Variants in FXR2 observed in about 807,000 individuals in gnomAD.
The protein encoded by FXR2 is RNA-binding protein FXR2.
Under a neutral mutation model 87.3 loss-of-function variants are expected in FXR2, and 9 were observed. The ratio of observed to expected loss-of-function variants is 0.10; its 90% CI spans 0.06 to 0.18. FXR2 has a LOEUF of 0.18. Ranked by LOEUF, FXR2 falls within the 10% of genes least tolerant of loss-of-function variation. The pLI, the probability that FXR2 is intolerant of heterozygous loss-of-function variation, is 1.00. For synonymous variants in FXR2, 331 were observed against 328.3 expected (o/e 1.01, Z -0.09); for missense variants, 661 against 893.6 (o/e 0.74, Z 3.32).
rs1186391032 is a variant in FXR2 at position 7,593,298 on chromosome 17, T to A, written c.1330+105A>T. 1 of 1,226,970 alleles carries A rather than the reference T, an allele frequency of 8.2e-7. No individual in the cohort carries two copies. The highest frequency in any genetic ancestry group is 1.1e-6 in the Non-Finnish European group (1 of 887,072). The allele number at this position is 1,226,970 out of a possible 1,614,324, so 76.0% of individuals were successfully genotyped here. A position where few individuals can be genotyped will look rare whatever the true frequency, so the allele number is the denominator to read the frequency against. On this transcript the variant is annotated intron_variant, in intron 12 of 16. Coordinates refer to ENST00000250113, the MANE Select transcript of FXR2 (RefSeq NM_004860.4). The surrounding 1 kb of genome is among the most constrained non-coding windows in gnomAD (Gnocchi z 6.1). ...ACAAGCCTCCCAGCCAATCAATCAC[T>A]TTTTCATCATCTCCATTCCAGATTT...
intron 1 of FXR2, among the ~76,000 whole-genome samples, chr17:7,607,137 G>A (rs1255611609): frequency 6.6e-6 from 1 of 151,972 alleles, no homozygotes; most frequent in Non-Finnish European, 1.5e-5. Flanking sequence ...TGCCAACATG[G>A]TGAAACCCCG....
chr17:7,603,810 G>A lies in FXR2; in HGVS notation c.396C>T (p.Thr132=), dbSNP rs746167905. Residue 132 remains threonine (T), a synonymous_variant, in exon 5 of 17, where the codon ACC becomes ACT. Transcript: ENST00000250113. ...TGGTAACCTTGAAGAAGCTGCCTTT[G>A]GTTGCAAGGGGATTGGGATTAACTG... ...LRPVNPNPLA[T]KGSFFKVTMA... 6.2e-7 allele frequency: 1 copy of A among 1,613,906 alleles called. No homozygotes were observed. Among genetic ancestry groups the A allele is most frequent in the Non-Finnish European group, 8.5e-7 (1 of 1,179,842 alleles).
intron 1 of FXR2, among the ~76,000 whole-genome samples, chr17:7,607,329 A>G (rs1567752790): frequency 2.0e-5 from 3 of 152,050 alleles, no homozygotes; most frequent in East Asian, 1.9e-4. Context: ...AAAAAAAAAA[A>G]AAAGAAAAAG....
intron 3 of FXR2, 41 bp from the exon 4 acceptor site, chr17:7,604,121 C>G: frequency 6.9e-7 from 1 of 1,441,592 alleles, no homozygotes; most frequent in Non-Finnish European, 9.6e-7. Context: ...TGAAGACCAC[C>G]CAAAAGCATC....
chr17:7,605,283 G>A (rs1442427891), intron 3 of FXR2, among the ~76,000 whole-genome samples: 5 of 152,008 alleles, frequency 3.3e-5, no homozygotes, highest in Non-Finnish European at 7.4e-5. Context: ...TGGAAGAATT[G>A]CTTGAACCCA....
At chr17:7,598,211 G>T (rs1364402573) in intron 7 of FXR2, among the ~76,000 whole-genome samples, 1 of 152,114 alleles carries the variant, frequency 6.6e-6, no homozygotes, top group Admixed American at 6.5e-5. Flanking sequence ...AGCACTTTGG[G>T]AGGCCGAGGT....
chr17:7,605,263 G>A (rs1419097630), intron 3 of FXR2, among the ~76,000 whole-genome samples: 1 of 152,066 alleles, frequency 6.6e-6, no homozygotes, highest in African/African-American at 2.4e-5. Flanking sequence ...AGCTACTTGG[G>A]AGGCTGAGGT....
In FXR2 at chr17:7,594,434, T is replaced by G; in HGVS notation, c.911-87A>C. The G allele has an allele frequency of 1.2e-6, 1 of 817,922 alleles. No individual in the cohort carries two copies. The highest frequency in any genetic ancestry group is 2.0e-6 in the Non-Finnish European group (1 of 494,332). The allele number at this position is 817,922 out of a possible 1,614,324, so 50.7% of individuals were successfully genotyped here. Reference sequence around the variant, plus strand: ...GATACACCGTCTTCCAGCCTCATTTTCTTTATATGGATTCCATTTACTTCA... The same window carrying G: ...GATACACCGTCTTCCAGCCTCATTTGCTTTATATGGATTCCATTTACTTCA... On this transcript the variant is annotated intron_variant, in intron 9 of 16. Transcript: ENST00000250113. This position sits in a 1 kb window ranked among gnomAD's most constrained non-coding sequence, Gnocchi z 5.1.
At position 7,591,945 on chromosome 17, in the gene FXR2, G is replaced by T; in HGVS notation, c.1927-20C>A. 2.1e-6 allele frequency: 3 copies of T among 1,450,718 alleles called. No individual in the cohort carries two copies. Among genetic ancestry groups the T allele is most frequent in the Non-Finnish European group, 2.9e-6 (3 of 1,036,392 alleles). The allele number at this position is 1,450,718 out of a possible 1,614,324, so 89.9% of individuals were successfully genotyped here. On this transcript the variant is annotated intron_variant, in intron 16 of 16. Coordinates refer to ENST00000250113, the MANE Select transcript of FXR2 (RefSeq NM_004860.4). The surrounding 1 kb of genome is among the most constrained non-coding windows in gnomAD (Gnocchi z 4.0). ...GTCACCCTGAGGGGAAAGTGGGAAA[G>T]AAAACAGAAAAGCAAGAAGCGGTGA...
Position 7,592,060 on chromosome 17 carries a change from GTC to G in FXR2, c.1927-137_1927-136del, listed in dbSNP as rs71387972. 360,901 of 1,398,424 alleles carry G rather than the reference GTC, an allele frequency of 0.26. 49,394 individuals carry two copies. The highest frequency in any genetic ancestry group is 0.28 in the Middle Eastern group (1,508 of 5,384). The allele number at this position is 1,398,424 out of a possible 1,614,324, so 86.6% of individuals were successfully genotyped here. On this transcript the variant is annotated intron_variant, in intron 16 of 16. Transcript: ENST00000250113. This position sits in a 1 kb window ranked among gnomAD's most constrained non-coding sequence, Gnocchi z 4.8. Reference sequence around the variant, plus strand: ...GTTGGTTCCCTGATCTCATGATCCAGTCTCTCTTACTTGGGATCCAGAAAATG... The same window carrying G: ...GTTGGTTCCCTGATCTCATGATCCAGTCTCTTACTTGGGATCCAGAAAATG...
chr17:7,593,440 G>A lies in FXR2; in HGVS notation c.1293C>T (p.Gly431=), dbSNP rs1284809898. 6.3e-7 allele frequency: 1 copy of A among 1,586,012 alleles called. No homozygotes were observed. The highest frequency in any genetic ancestry group is 1.8e-5 in the Admixed American group (1 of 55,580). Residue 431 remains glycine (G), a synonymous_variant, in exon 12 of 17, where the codon GGC becomes GGT. Coordinates refer to ENST00000250113, the MANE Select transcript of FXR2 (RefSeq NM_004860.4). The surrounding 1 kb of genome is among the most constrained non-coding windows in gnomAD (Gnocchi z 6.1). ...CGCCTGTCCTCCGGCCACGGCCACGGCCCCCATAGCTGCCCCCATAGGTTC... is the reference window on the plus strand; with the variant it reads ...CGCCTGTCCTCCGGCCACGGCCACGACCCCCATAGCTGCCCCCATAGGTTC... The part of the protein sequence containing the change: ...ATRTYGGSYG[G]RGRGRRTGGP...
Position 7,602,900 on chromosome 17 carries a change from T to G in FXR2, c.543+9A>C. On this transcript the variant is annotated intron_variant, in intron 6 of 16. Transcript: ENST00000250113. ...AGGCTTATGTGAAATTCAGGCAGAA[T>G]AAACTCACCAGAATGAAGAGCTCAC... The G allele has an allele frequency of 7.3e-7, 1 of 1,373,776 alleles. No individual in the cohort carries two copies. Among genetic ancestry groups the G allele is most frequent in the Non-Finnish European group, 1.0e-6 (1 of 965,148 alleles). The allele number at this position is 1,373,776 out of a possible 1,614,324, so 85.1% of individuals were successfully genotyped here. A position where few individuals can be genotyped will look rare whatever the true frequency, so the allele number is the denominator to read the frequency against.
At chr17:7,613,981 T>C (rs116199180) in intron 1 of FXR2, 2 of 452,990 alleles carry the variant, frequency 4.4e-6, no homozygotes, top group Admixed American at 2.4e-5. Flanking sequence ...CCAGAGCCAG[T>C]AGGCAGAGGC....
Position 7,611,289 on chromosome 17 carries a change from C to T in FXR2, c.81+3163G>A, listed in dbSNP as rs138501483. Reference sequence around the variant, plus strand: ...CAGTCTGACATGAAAAAAAAAAGGACGGAAAAAAAGAGTAAATTCTGACAA... The same window carrying T: ...CAGTCTGACATGAAAAAAAAAAGGATGGAAAAAAAGAGTAAATTCTGACAA... On this transcript the variant is annotated intron_variant, in intron 1 of 16. Transcript: ENST00000250113. 7.6e-4 allele frequency among the ~76,000 whole-genome samples: 116 copies of T among 151,726 alleles called. 1 individual carries two copies. Among genetic ancestry groups the T allele is most frequent in the African/African-American group, 2.5e-3 (102 of 41,358 alleles).
At position 7,592,997 on chromosome 17, in the gene FXR2, T is replaced by C. The variant is rs999728684; in HGVS notation, c.1515A>G (p.Ser505=). ...GCTGTCTGGTACCTGAGCTAATAGA[T>C]GAAGAATTGTATCTCGAAGTGGGCC... ...APRPTSRYNS[S]SISSVLKDPD... The change falls in exon 13 of 17, where the codon TCA becomes TCG. Residue 505 remains serine, a synonymous_variant. Coordinates refer to ENST00000250113, the MANE Select transcript of FXR2 (RefSeq NM_004860.4). This position sits in a 1 kb window ranked among gnomAD's most constrained non-coding sequence, Gnocchi z 4.8. 6.4e-7 allele frequency: 1 copy of C among 1,572,190 alleles called. No individual in the cohort carries two copies. Among genetic ancestry groups the C allele is most frequent in the Non-Finnish European group, 8.6e-7 (1 of 1,161,288 alleles).
In FXR2 at chr17:7,592,548, C is replaced by T. The variant is rs747324109; in HGVS notation, c.1781G>A (p.Arg594His). Reference sequence around the variant, plus strand: ...GATAGAGCCATCAGTCCGATTACCACGGTTACGGCGGCGGCGGCTGCGATT... The same window carrying T: ...GATAGAGCCATCAGTCCGATTACCATGGTTACGGCGGCGGCGGCTGCGATT... Reference protein sequence around the residue: ...RRNRSRRRRNRGNRTDGSISG... With the variant: ...RRNRSRRRRNHGNRTDGSISG... The change falls in exon 15 of 17, where the codon CGT becomes CAT. Residue 594 changes from arginine to histidine, a missense_variant. Coordinates refer to ENST00000250113, the MANE Select transcript of FXR2 (RefSeq NM_004860.4). The surrounding 1 kb of genome is among the most constrained non-coding windows in gnomAD (Gnocchi z 4.8). 20 of 1,613,868 alleles carry T rather than the reference C, an allele frequency of 1.2e-5. No individual in the cohort carries two copies. The highest frequency in any genetic ancestry group is 8.0e-5 in the African/African-American group (6 of 74,918).
chr17:7,601,883 C>T (rs1041081213), intron 6 of FXR2, among the ~76,000 whole-genome samples: 2 of 151,646 alleles, frequency 1.3e-5, no homozygotes, highest in Admixed American at 6.6e-5. Context: ...GCCGAGACTG[C>T]GCCACTGCAC....
chr17:7,609,902 A>T (rs1173632834), intron 1 of FXR2, among the ~76,000 whole-genome samples: 1 of 145,352 alleles, frequency 6.9e-6, no homozygotes, highest in Admixed American at 7.2e-5. Context: ...ATATACACAT[A>T]CATATATATG....
intron 1 of FXR2, among the ~76,000 whole-genome samples, chr17:7,609,985 T>TACATGCATATGTATAC (rs1567753946): frequency 9.4e-6 from 1 of 106,174 alleles, no homozygotes; most frequent in Non-Finnish European, 2.1e-5. Flanking sequence ...TATACATATA[T>TACATGCATATGTATAC]ATATACATGT....
Sources: allele counts gnomAD v4.1 joint callset (sites outside exome capture counted in the v4.1 genomes callset), GRCh38; gene constraint gnomAD v4.1.1; non-coding constraint Gnocchi (gnomAD v3.1); transcripts MANE v1.5; gene names NCBI Gene and HGNC (gene_info 2026-07-23, HGNC 2026-07-21).